Variants in DYNC1I1 observed in about 807,000 individuals in gnomAD.
The protein encoded by DYNC1I1 is dynein cytoplasmic 1 intermediate chain 1, also known as cytoplasmic dynein 1 intermediate chain 1.
DYNC1I1 carries 43 observed loss-of-function variants against 86.6 expected under a neutral mutation model. The observed-to-expected ratio is 0.50, with a 90% CI of 0.39 to 0.64. DYNC1I1 has a LOEUF of 0.64. DYNC1I1 is among the 30% of genes least tolerant of loss of function. DYNC1I1 has a pLI of 0.00. For synonymous variants in DYNC1I1, 262 were observed against 283.7 expected, an observed-to-expected ratio of 0.92 and a Z score of 0.77; for missense variants, 604 against 788.8, an observed-to-expected ratio of 0.77 and a Z score of 2.81.
chr7:96,099,405 C>G (rs925759784), downstream of DYNC1I1, among the ~76,000 whole-genome samples: 4 of 152,152 alleles, frequency 2.6e-5, no homozygotes, highest in African/African-American at 9.7e-5. Context: ...TCCATTATGT[C>G]TTAGTTAATT....
chr7:95,846,630 T>TGTGTGTGC lies in DYNC1I1; in HGVS notation c.374+18521_374+18522insCGTGTGTG, dbSNP rs1230258782. Among the ~76,000 whole-genome samples, 162 of 139,624 alleles carry TGTGTGTGC rather than the reference T, an allele frequency of 1.2e-3. 2 individuals are homozygous for TGTGTGTGC. The highest frequency in any genetic ancestry group is 4.5e-3 in the African/African-American group (146 of 32,678). The allele number at this position is 139,624 out of a possible 152,430, so 91.6% of individuals were successfully genotyped here. ...CATAAATGATAAATCTCTCTCTCTG[T>TGTGTGTGC]GTGTGTGTGTGTGTGTGTGTGTGTG... On this transcript the variant is annotated intron_variant, in intron 5 of 16. Coordinates refer to ENST00000447467, the MANE Select transcript of DYNC1I1 (RefSeq NM_001135556.2).
At chr7:96,078,468 A>ATCAT (rs1790410605) in intron 15 of DYNC1I1, among the ~76,000 whole-genome samples, 1 of 152,158 alleles carries the variant, frequency 6.6e-6, no homozygotes, top group Admixed American at 6.5e-5. Context: ...TTTCTAGCGC[A>ATCAT]TAATATAGGC....
At chr7:95,947,334 C>T (rs1281226539) in intron 6 of DYNC1I1, among the ~76,000 whole-genome samples, 5 of 152,134 alleles carry the variant, frequency 3.3e-5, no homozygotes, top group Non-Finnish European at 7.3e-5. Flanking sequence ...TCTTCTTTGA[C>T]AGCAATGTGC....
At chr7:95,832,861 G>A (rs1443501854) in intron 5 of DYNC1I1, among the ~76,000 whole-genome samples, 3 of 152,132 alleles carry the variant, frequency 2.0e-5, no homozygotes, top group African/African-American at 7.2e-5. Context: ...CGTAGATTCT[G>A]GATATTAGCC....
intron 6 of DYNC1I1, among the ~76,000 whole-genome samples, chr7:95,910,080 CT>C (rs1183885911): frequency 6.6e-6 from 1 of 152,162 alleles, no homozygotes; most frequent in Non-Finnish European, 1.5e-5. Flanking sequence ...CTTGTCACCC[CT>C]ATAGGGATGC....
intron 6 of DYNC1I1, among the ~76,000 whole-genome samples, chr7:95,943,210 G>A (rs1364143836): frequency 2.0e-5 from 3 of 151,740 alleles, no homozygotes; most frequent in Admixed American, 2.0e-4. Flanking sequence ...AAAATCACAA[G>A]CATTCTTATA....
At chr7:95,897,922 G>A (rs1363373276) in intron 6 of DYNC1I1, among the ~76,000 whole-genome samples, 4 of 152,018 alleles carry the variant, frequency 2.6e-5, no homozygotes, top group Admixed American at 6.6e-5. Flanking sequence ...GCAGCTGCTC[G>A]CCATGTGATT....
intron 14 of DYNC1I1, among the ~76,000 whole-genome samples, chr7:96,061,022 G>A (rs1789749813): frequency 6.6e-6 from 1 of 152,160 alleles, no homozygotes; most frequent in African/African-American, 2.4e-5. Flanking sequence ...TGTGGGGTGA[G>A]GGAGGACTTT....
intron 6 of DYNC1I1, among the ~76,000 whole-genome samples, chr7:95,914,965 T>C (rs559465780): frequency 1.3e-5 from 2 of 152,340 alleles, no homozygotes; most frequent in East Asian, 1.9e-4. Context: ...ATGAGACTTT[T>C]GATTAAAGCA....
intron 6 of DYNC1I1, among the ~76,000 whole-genome samples, chr7:95,908,331 C>A (rs1791230290): frequency 6.6e-6 from 1 of 152,000 alleles, no homozygotes; most frequent in African/African-American, 2.4e-5. Flanking sequence ...GCATTTGACA[C>A]CTAAATAGCG....
chr7:95,847,215 C>T (rs1315436446), intron 5 of DYNC1I1, among the ~76,000 whole-genome samples: 1 of 152,172 alleles, frequency 6.6e-6, no homozygotes, highest in African/African-American at 2.4e-5. Context: ...TTTCCAAAGT[C>T]TCCAATTTGC....
chr7:95,846,627 C>CTGTGTGTGTGTGTGTG (rs1236489557), intron 5 of DYNC1I1, among the ~76,000 whole-genome samples: 13 of 136,478 alleles, frequency 9.5e-5, no homozygotes, highest in Non-Finnish European at 1.1e-4. Context: ...ATCTCTCTCT[C>CTGTGTGTGTGTGTGTG]TGTGTGTGTG....
At chr7:95,915,004 C>G (rs1791431289) in intron 6 of DYNC1I1, among the ~76,000 whole-genome samples, 1 of 152,188 alleles carries the variant, frequency 6.6e-6, no homozygotes, top group African/African-American at 2.4e-5. Flanking sequence ...ATTTTCTACT[C>G]TGTGCCCCTC....
chr7:95,795,256 T>C (rs1170398750), intron 1 of DYNC1I1, among the ~76,000 whole-genome samples: 3 of 148,668 alleles, frequency 2.0e-5, no homozygotes, highest in African/African-American at 7.4e-5. Context: ...AAGGAAAGCA[T>C]TATTTAATGA....
At chr7:96,023,360 C>T (rs1460897797) in intron 10 of DYNC1I1, among the ~76,000 whole-genome samples, 2 of 152,150 alleles carry the variant, frequency 1.3e-5, no homozygotes, top group East Asian at 1.9e-4. Flanking sequence ...GGCAGAGTGC[C>T]ACGCACGGAA....
At chr7:95,925,673 C>T (rs1015382283) in intron 6 of DYNC1I1, among the ~76,000 whole-genome samples, 10 of 152,134 alleles carry the variant, frequency 6.6e-5, no homozygotes, top group Admixed American at 6.5e-4. Context: ...CAAAATTTGA[C>T]AGGCATTTTA....
intron 6 of DYNC1I1, among the ~76,000 whole-genome samples, chr7:95,933,619 A>T (rs1791961044): frequency 6.6e-6 from 1 of 152,198 alleles, no homozygotes; most frequent in Non-Finnish European, 1.5e-5. Flanking sequence ...GCTTTTAAAC[A>T]TGTTGGCATT....
intron 6 of DYNC1I1, among the ~76,000 whole-genome samples, chr7:95,888,603 G>A (rs1283341167): frequency 6.6e-6 from 1 of 152,066 alleles, no homozygotes; most frequent in Admixed American, 6.6e-5. Context: ...TGTTTTGTAT[G>A]AGTATTTTAG....
chr7:96,008,654 A>G (rs112916902), intron 10 of DYNC1I1, among the ~76,000 whole-genome samples: 21 of 152,204 alleles, frequency 1.4e-4, no homozygotes, highest in African/African-American at 4.6e-4. Context: ...TATATTTCAT[A>G]TAGTGATCAT....
Sources: gnomAD v4.1 joint callset for allele counts (sites outside exome capture counted in the v4.1 genomes callset) on GRCh38, gnomAD v4.1.1 for gene constraint, MANE v1.5 for transcripts, NCBI Gene and HGNC (gene_info 2026-07-23, HGNC 2026-07-21) for gene names.